The following TBCD variants were observed in gnomAD, a reference collection of about 807,000 sequenced individuals.
TBCD encodes tubulin-specific chaperone D.
Under a neutral mutation model 169.3 loss-of-function variants are expected in TBCD, and 105 were observed. The observed-to-expected ratio is 0.62, with a 90% CI of 0.53 to 0.73. TBCD has a LOEUF of 0.73. TBCD is among the 30% of genes least tolerant of loss of function. TBCD has a pLI of 0.00. For synonymous variants in TBCD, 700 were observed against 643.9 expected (o/e 1.09, Z -1.32); for missense variants, 1,444 against 1,600.1 (o/e 0.90, Z 1.66).
At chr17:82,934,770 C>G (rs1393145402) in intron 34 of TBCD, among the ~76,000 whole-genome samples, 2 of 151,964 alleles carry the variant, frequency 1.3e-5, no homozygotes, top group African/African-American at 4.8e-5. Context: ...CCGTACCTGG[C>G]CTAAAATATT....
rs659602 is a variant in TBCD, at chr17:82,795,250, G to A, written c.772-2507G>A. Among the ~76,000 whole-genome samples, 890 of 152,320 alleles carry A rather than the reference G, an allele frequency of 5.8e-3. 8 individuals are homozygous for A. The highest frequency in any genetic ancestry group is 0.02 in the African/African-American group (845 of 41,558). Reference sequence around the variant, plus strand: ...GACGTGTTAGCCCGTTGCCAAGTAAGACTGGGGGACACGTCAGCCTGTTGC... The same window carrying A: ...GACGTGTTAGCCCGTTGCCAAGTAAAACTGGGGGACACGTCAGCCTGTTGC... On this transcript the variant is annotated intron_variant, in intron 7 of 38. Transcript: ENST00000355528.
chr17:82,823,673 A>AT (rs1272249520), intron 13 of TBCD, among the ~76,000 whole-genome samples: 2 of 151,362 alleles, frequency 1.3e-5, no homozygotes, highest in Non-Finnish European at 2.9e-5. Flanking sequence ...AGGATCCTTT[A>AT]TTTTTTTTCA....
chr17:82,921,404 A>G, intron 24 of TBCD, 97 bp from the exon 25 acceptor site: 1 of 976,070 alleles, frequency 1.0e-6, no homozygotes, highest in South Asian at 1.3e-5. Context: ...GTTACCATCG[A>G]CTTTAAGATT....
chr17:82,918,102 T>C (rs1459175034), intron 23 of TBCD, among the ~76,000 whole-genome samples: 1 of 152,232 alleles, frequency 6.6e-6, no homozygotes, highest in Non-Finnish European at 1.5e-5. Context: ...GTGCTTCCCA[T>C]GCTTCCTCCG....
At chr17:82,794,541 A>T (rs908354929) in intron 7 of TBCD, among the ~76,000 whole-genome samples, 2 of 152,174 alleles carry the variant, frequency 1.3e-5, no homozygotes, top group African/African-American at 4.8e-5. Flanking sequence ...TGTGCCCCCC[A>T]TTTTATGGCC....
At chr17:82,799,460 A>AAAAAAAAAAAAAAAC (rs1276410323) in intron 8 of TBCD, among the ~76,000 whole-genome samples, 2 of 151,104 alleles carry the variant, frequency 1.3e-5, no homozygotes, top group African/African-American at 2.5e-5. Flanking sequence ...AAAAAAAAAA[A>AAAAAAAAAAAAAAAC]AAAGAAACTA....
chr17:82,808,421 C>CTG (rs2051149185), intron 11 of TBCD, among the ~76,000 whole-genome samples: 1 of 60,988 alleles, frequency 1.6e-5, no homozygotes, highest in African/African-American at 7.0e-5. Flanking sequence ...GAGGCAGGTG[C>CTG]GGGGGCAGTA....
intron 1 of TBCD, among the ~76,000 whole-genome samples, 175 bp from the exon 2 acceptor site, chr17:82,755,990 A>C (rs1337739884): frequency 6.6e-6 from 1 of 152,066 alleles, no homozygotes; most frequent in Non-Finnish European, 1.5e-5. Context: ...GAGGTGGGGC[A>C]TTCCCTCCAG....
At chr17:82,936,519 G>A (rs148053972) in intron 34 of TBCD, among the ~76,000 whole-genome samples, 4 of 152,284 alleles carry the variant, frequency 2.6e-5, no homozygotes, top group East Asian at 1.9e-4. Flanking sequence ...GGGACGTTGC[G>A]TTTGAGGGGT....
At chr17:82,859,139 A>G (rs1165528165) in intron 13 of TBCD, among the ~76,000 whole-genome samples, 1 of 147,852 alleles carries the variant, frequency 6.8e-6, no homozygotes, top group Non-Finnish European at 1.5e-5. Context: ...TCCTCCCTAC[A>G]CTGACACACT....
At chr17:82,921,150 T>A in intron 24 of TBCD, 1 of 347,656 alleles carries the variant, frequency 2.9e-6, no homozygotes, top group Non-Finnish European at 5.2e-6. Context: ...TTGTGCAGGA[T>A]CTAATTGAGT....
intron 34 of TBCD, among the ~76,000 whole-genome samples, chr17:82,936,443 G>T (rs1245367177): frequency 6.6e-6 from 1 of 152,196 alleles, no homozygotes; most frequent in African/African-American, 2.4e-5. Flanking sequence ...GTTTGGCTGG[G>T]TGTGTCTGAG....
intron 23 of TBCD, among the ~76,000 whole-genome samples, chr17:82,916,171 A>G (rs946720218): frequency 1.3e-5 from 2 of 151,322 alleles, no homozygotes; most frequent in Admixed American, 6.6e-5. Context: ...CCTGGAGAAC[A>G]CTCTAGTGTT....
chr17:82,901,683 G>A (rs548833232), intron 18 of TBCD, among the ~76,000 whole-genome samples: 27 of 151,722 alleles, frequency 1.8e-4, no homozygotes, highest in East Asian at 7.8e-4. Flanking sequence ...GGAGCGGCCC[G>A]GCTGCCTACT....
chr17:82,825,279 C>G (rs1240005013), intron 13 of TBCD, among the ~76,000 whole-genome samples: 1 of 152,068 alleles, frequency 6.6e-6, no homozygotes, highest in East Asian at 1.9e-4. Context: ...CAACGGAGGG[C>G]TGTATTCTTG....
intron 6 of TBCD, among the ~76,000 whole-genome samples, chr17:82,774,127 T>C (rs577092324): frequency 1.3e-5 from 2 of 150,766 alleles, no homozygotes; most frequent in East Asian, 2.0e-4. Context: ...CATAGGACAA[T>C]AGTGGAGGGA....
chr17:82,900,110 C>T (rs1057494048), intron 17 of TBCD, among the ~76,000 whole-genome samples: 1 of 152,200 alleles, frequency 6.6e-6, no homozygotes, highest in Non-Finnish European at 1.5e-5. Context: ...CTAACCAGAG[C>T]GCACAGCTTC....
At chr17:82,820,613 C>T (rs1054078838) in intron 13 of TBCD, among the ~76,000 whole-genome samples, 8 of 152,094 alleles carry the variant, frequency 5.3e-5, no homozygotes, top group African/African-American at 1.9e-4. Flanking sequence ...TGTTGGTACT[C>T]TTGGTGGTAC....
chr17:82,917,217 A>G (rs1203542596), intron 23 of TBCD, among the ~76,000 whole-genome samples: 1 of 151,406 alleles, frequency 6.6e-6, no homozygotes. Flanking sequence ...ATGGGGTTTC[A>G]CCACGTTGGC....
Sources: gnomAD v4.1 joint callset for allele counts (sites outside exome capture counted in the v4.1 genomes callset) on GRCh38, gnomAD v4.1.1 for gene constraint, MANE v1.5 for transcripts, NCBI Gene and HGNC (gene_info 2026-07-23, HGNC 2026-07-21) for gene names.